The following KIFC2 variants were observed in gnomAD, a reference collection of about 807,000 sequenced individuals.
KIFC2 encodes the protein kinesin family member C2, also known as kinesin-like protein KIFC2.
Under a neutral mutation model 91.5 loss-of-function variants are expected in KIFC2, and 94 were observed. The ratio of observed to expected loss-of-function variants is 1.03; its 90% CI spans 0.87 to 1.22. The LOEUF (loss-of-function observed/expected upper bound fraction) is 1.22, where lower values mean the gene tolerates loss of function less well. Among genes scored for constraint, KIFC2 ranks in the 50% most tolerant of loss-of-function variants. The probability of loss-of-function intolerance (pLI) is 0.00; values close to 1 mark genes in which losing one functional copy is unlikely to be tolerated. For synonymous variants in KIFC2, 729 were observed against 503.9 expected, an observed-to-expected ratio of 1.45 and a Z score of -5.98; for missense variants, 1,357 against 1,103.3, an observed-to-expected ratio of 1.23 and a Z score of -3.26.
rs1265477103 is a variant in KIFC2, at chr8:144,473,234, C to T, written c.2221C>T (p.Pro741Ser). Residue 741 changes from proline (P) to serine (S), a missense_variant, in exon 18 of 18, where the codon CCG becomes TCG. By Grantham distance (74) the Pro-to-Ser change is moderately conservative. Coordinates refer to ENST00000645548, the MANE Select transcript of KIFC2 (RefSeq NM_001369769.2). Reference protein sequence around the residue: ...ELGPARRRRVPRSSGTPSSLS... With the variant: ...ELGPARRRRVSRSSGTPSSLS... ...GGGGCCAGCCCGGCGCCGCAGGGTC[C>T]CGCGCTCCTCCGGGACGCCTTCTTC... 6.3e-7 allele frequency: 1 copy of T among 1,599,782 alleles called. No homozygotes were observed. Among genetic ancestry groups the T allele is most frequent in the East Asian group, 2.3e-5 (1 of 44,140 alleles).
intron 8 of KIFC2, 50 bp downstream of exon 8, chr8:144,468,456 G>A: frequency 7.2e-7 from 1 of 1,381,872 alleles, no homozygotes; most frequent in Non-Finnish European, 9.6e-7. Context: ...GCGGGCTGGG[G>A]TTTTGGGAGG....
rs1039502996 is a variant in KIFC2 at position 144,472,166 on chromosome 8, C to T, written c.1514C>T (p.Pro505Leu). The T allele has an allele frequency of 1.2e-6, 2 of 1,613,192 alleles. No homozygotes were observed. Among genetic ancestry groups the T allele is most frequent in the African/African-American group, 2.7e-5 (2 of 74,916 alleles). Residue 505 changes from proline to leucine, a missense_variant, in exon 14 of 18, where the codon CCT (proline) becomes CTT (leucine). Physicochemically the swap from Pro to Leu is moderately conservative, Grantham distance 98. Coordinates refer to ENST00000645548, the MANE Select transcript of KIFC2 (RefSeq NM_001369769.2). ...EGPPEDPGIV[P>L]RALQSLFREM... ...CCTCCTGAGGACCCCGGCATAGTTC[C>T]TAGGGCGCTGCAGTCGCTGTTCCGG...
Position 144,472,382 on chromosome 8 carries a change from T to C in KIFC2, c.1629T>C (p.Pro543=). 1 of 1,613,210 alleles carries C rather than the reference T, an allele frequency of 6.2e-7. No individual in the cohort carries two copies. Among genetic ancestry groups the C allele is most frequent in the Non-Finnish European group, 8.5e-7 (1 of 1,179,924 alleles). ...CCAGGGACCTCCTTGCTCCAGGGCCTCCCGAGCGCCTGGCCGTGAGGCAGG... is the reference window on the plus strand; with the variant it reads ...CCAGGGACCTCCTTGCTCCAGGGCCCCCCGAGCGCCTGGCCGTGAGGCAGG... ...EAVRDLLAPG[P]PERLAVRQGP... The change falls in exon 15 of 18, where the codon CCT becomes CCC. Residue 543 remains proline (P), a synonymous_variant. Coordinates refer to ENST00000645548, the MANE Select transcript of KIFC2 (RefSeq NM_001369769.2).
rs771901274 is a variant in KIFC2, at chr8:144,469,322, C to T, written c.1165C>T (p.Pro389Ser). 2 of 1,607,282 alleles carry T rather than the reference C, an allele frequency of 1.2e-6. No individual in the cohort carries two copies. Among genetic ancestry groups the T allele is most frequent in the East Asian group, 4.5e-5 (2 of 44,738 alleles). Reference protein sequence around the residue: ...LSSGGPGTQLPEGQQGPPAGC... With the variant: ...LSSGGPGTQLSEGQQGPPAGC... Reference sequence around the variant, plus strand: ...ATCTGGAGGGCCTGGCACTCAGCTCCCTGAGGGGCAGCAAGGGCCCCCAGC... The same window carrying T: ...ATCTGGAGGGCCTGGCACTCAGCTCTCTGAGGGGCAGCAAGGGCCCCCAGC... The change falls in exon 11 of 18, where the codon CCT becomes TCT. Residue 389 changes from proline to serine, a missense_variant. By Grantham distance (74) the Pro-to-Ser change is moderately conservative. Transcript: ENST00000645548.
rs768795318 is a variant in KIFC2 at position 144,466,751 on chromosome 8, C to G, written c.100-9C>G. The G allele has an allele frequency of 9.8e-6, 15 of 1,524,052 alleles. No homozygotes were observed. The East Asian group carries it at 3.3e-4, about 33-fold the overall frequency. The allele number at this position is 1,524,052 out of a possible 1,614,324, so 94.4% of individuals were successfully genotyped here. ...CCCCTCCTCAGGGGCGCCCCTGCCCCCTCCCTAGAGAGCCCGCAAGCCCCG... is the reference window on the plus strand; with the variant it reads ...CCCCTCCTCAGGGGCGCCCCTGCCCGCTCCCTAGAGAGCCCGCAAGCCCCG... On this transcript the variant is annotated splice_polypyrimidine_tract_variant and intron_variant, in intron 1 of 17. Transcript: ENST00000645548.
At position 144,473,975 on chromosome 8, in the gene KIFC2, AGGGCT is replaced by A. The variant is rs1311228555; in HGVS notation, c.*587_*591del. 93 of 532,426 alleles carry A rather than the reference AGGGCT, an allele frequency of 1.7e-4. 1 individual carries two copies. The highest frequency in any genetic ancestry group is 1.7e-3 in the African/African-American group (88 of 52,948). The allele number at this position is 532,426 out of a possible 1,614,324, so 33.0% of individuals were successfully genotyped here. Reference sequence around the variant, plus strand: ...GTGGGCTGAGAAGAGGGGACTAGGAAGGGCTATTCCAGGCTCAGCCCTGCTCCTGC... The same window carrying A: ...GTGGGCTGAGAAGAGGGGACTAGGAAATTCCAGGCTCAGCCCTGCTCCTGC... On this transcript the variant is annotated 3_prime_UTR_variant, in exon 18 of 18. Coordinates refer to ENST00000645548, the MANE Select transcript of KIFC2 (RefSeq NM_001369769.2).
chr8:144,469,803 G>A (rs1317457848), intron 12 of KIFC2, among the ~76,000 whole-genome samples, 156 bp downstream of exon 12: 1 of 152,238 alleles, frequency 6.6e-6, no homozygotes, highest in Non-Finnish European at 1.5e-5. Context: ...AGGGGGCTGG[G>A]AAGCAGGGCA....
chr8:144,467,525 A>C lies in KIFC2; in HGVS notation c.510A>C (p.Ala170=), dbSNP rs140086443. ...SQEESPSHFT[A]VPGEPLGDET... is the part of the protein sequence containing the mutation. ...AAGAAAGCCCTTCCCACTTCACCGCAGTCCCAGGCGAGCCACTGGGGGATG... is the reference window on the plus strand; with the variant it reads ...AAGAAAGCCCTTCCCACTTCACCGCCGTCCCAGGCGAGCCACTGGGGGATG... The change falls in exon 5 of 18, where the codon GCA becomes GCC. Residue 170 remains alanine, a synonymous_variant. Transcript: ENST00000645548. 1 of 1,597,414 alleles carries C rather than the reference A, an allele frequency of 6.3e-7. No homozygotes were observed. The highest frequency in any genetic ancestry group is 8.5e-7 in the Non-Finnish European group (1 of 1,172,830).
In KIFC2 at chr8:144,467,568, C is replaced by A. The variant is rs145917450; in HGVS notation, c.553C>A (p.Pro185Thr). The A allele has an allele frequency of 3.7e-6, 6 of 1,605,658 alleles. No homozygotes were observed. In the East Asian group the frequency reaches 1.3e-4, roughly 36 times the overall value. The change falls in exon 5 of 18, where the codon CCC (proline) becomes ACC (threonine). Residue 185 changes from proline (P) to threonine (T), a missense_variant. Coordinates refer to ENST00000645548, the MANE Select transcript of KIFC2 (RefSeq NM_001369769.2). Reference protein sequence around the residue: ...PLGDETQGQQPLQLEEDQRAW... With the variant: ...PLGDETQGQQTLQLEEDQRAW... ...GGGGGATGAGACCCAGGGACAGCAG[C>A]CCCTCCAGTTGGAGGAGGATCAGAG... is the stretch of plus-strand genomic sequence containing the variant.
In KIFC2 at chr8:144,472,431, C is replaced by T. The variant is rs767418157; in HGVS notation, c.1678C>T (p.Gln560Ter). 4 of 1,612,678 alleles carry T rather than the reference C, an allele frequency of 2.5e-6. No homozygotes were observed. Among genetic ancestry groups the T allele is most frequent in the Non-Finnish European group, 3.4e-6 (4 of 1,179,816 alleles). ...RQGPEGQGGI[Q>*]VAGLTHWDVP... Reference sequence around the variant, plus strand: ...GGGCCCAGAAGGCCAGGGCGGGATCCAGGTGGCTGGCCTCACCCACTGGGA... The same window carrying T: ...GGGCCCAGAAGGCCAGGGCGGGATCTAGGTGGCTGGCCTCACCCACTGGGA... The change falls in exon 15 of 18, where the codon CAG becomes TAG. Residue 560 changes from glutamine to a stop codon, truncating the protein, a stop_gained. Transcript: ENST00000645548. LOFTEE classifies it high-confidence loss of function.
In KIFC2 at chr8:144,466,977, A is replaced by T. The variant is rs1248424842; in HGVS notation, c.197A>T (p.Asp66Val). 2 of 1,596,074 alleles carry T rather than the reference A, an allele frequency of 1.3e-6. No individual in the cohort carries two copies. The highest frequency in any genetic ancestry group is 2.2e-5 in the East Asian group (1 of 44,552). The change falls in exon 3 of 18, where the codon GAT becomes GTT. Residue 66 changes from aspartate to valine, a missense_variant. Physicochemically the swap from Asp to Val is radical, Grantham distance 152. Transcript: ENST00000645548. Reference sequence around the variant, plus strand: ...CCGGCAGCCAGCTCCGAGCCTGAGGATGGGTCGGAAGGCGCAGCCGAGGGC... The same window carrying T: ...CCGGCAGCCAGCTCCGAGCCTGAGGTTGGGTCGGAAGGCGCAGCCGAGGGC... ...TGLAASSEPE[D>V]GSEGAAEGRA...
intron 12 of KIFC2, 69 bp downstream of exon 12, chr8:144,469,716 GT>G: frequency 6.7e-7 from 1 of 1,503,452 alleles, no homozygotes; most frequent in East Asian, 2.3e-5. Context: ...AGAGGCTCCA[GT>G]TTCCCCTTCC....
chr8:144,472,128 C>G lies in KIFC2; in HGVS notation c.1486-10C>G. On this transcript the variant is annotated splice_polypyrimidine_tract_variant and intron_variant, in intron 13 of 17. Transcript: ENST00000645548. ...ATGTGAGCCCGGTGTGCACCCCACC[C>G]CATCCTCAGGGCCCTCCTGAGGACC... is the stretch of plus-strand genomic sequence containing the variant. 1 of 1,613,140 alleles carries G rather than the reference C, an allele frequency of 6.2e-7. No homozygotes were observed. The highest frequency in any genetic ancestry group is 1.1e-5 in the South Asian group (1 of 91,076).
chr8:144,467,889 C>T lies in KIFC2; in HGVS notation c.712C>T (p.His238Tyr), dbSNP rs1824749131. 1.9e-6 allele frequency: 3 copies of T among 1,613,294 alleles called. No homozygotes were observed. Among genetic ancestry groups the T allele is most frequent in the African/African-American group, 1.3e-5 (1 of 74,916 alleles). The stretch of plus-strand genomic sequence containing the variant: ...GACGGACTCAGAGAAAAGGGTTCAG[C>T]ATCTGACTCTGGAGAACGAGGCCCT... ...GATDSEKRVQ[H>Y]LTLENEALKQ... is the part of the protein sequence containing the mutation. The change falls in exon 7 of 18, where the codon CAT becomes TAT. Residue 238 changes from histidine to tyrosine, a missense_variant. Coordinates refer to ENST00000645548, the MANE Select transcript of KIFC2 (RefSeq NM_001369769.2).
In KIFC2 at chr8:144,467,333, C is replaced by T. The variant is rs546933123; in HGVS notation, c.461C>T (p.Ser154Phe). Residue 154 changes from serine to phenylalanine, a missense_variant, in exon 4 of 18, where the codon TCT becomes TTT. Physicochemically the swap from Ser to Phe is radical, Grantham distance 155. Coordinates refer to ENST00000645548, the MANE Select transcript of KIFC2 (RefSeq NM_001369769.2). Reference protein sequence around the residue: ...TQPAPRVRPPSPDGSTSQEES... With the variant: ...TQPAPRVRPPFPDGSTSQEES... ...CCAGCCCCTCGGGTCCGGCCCCCCT[C>T]TCCAGATGGTGAGTAAAGGACAGTA... 38 of 1,606,472 alleles carry T rather than the reference C, an allele frequency of 2.4e-5. 1 individual carries two copies. The highest frequency in any genetic ancestry group is 1.9e-4 in the South Asian group (17 of 90,198).
intron 1 of KIFC2, 55 bp from the exon 2 acceptor site, chr8:144,466,704 AG>A: frequency 7.3e-7 from 1 of 1,368,766 alleles, no homozygotes; most frequent in Non-Finnish European, 9.7e-7. Flanking sequence ...CGCGGAGGGA[AG>A]GGGCCAGCAG....
Position 144,466,846 on chromosome 8 carries a change from C to CG in KIFC2, c.178+11dup. 2 of 1,536,632 alleles carry CG rather than the reference C, an allele frequency of 1.3e-6. No individual in the cohort carries two copies. The highest frequency in any genetic ancestry group is 2.4e-5 in the South Asian group (2 of 84,488). On this transcript the variant is annotated intron_variant, in intron 2 of 17. Transcript: ENST00000645548. The stretch of plus-strand genomic sequence containing the variant: ...AGCTGACCGGCCTGGCCGGTAGGTG[C>CG]GGGCTGGGAGTCCCGCGGTGCGAGG...
At position 144,468,324 on chromosome 8, in the gene KIFC2, C is replaced by A; in HGVS notation, c.811-5C>A. On this transcript the variant is annotated splice_region_variant and splice_polypyrimidine_tract_variant and intron_variant, in intron 7 of 17. Transcript: ENST00000645548. ...GAGTCCCTCCTGGCCCCCACCCTCCCGCAGGAGGAGGCAGAGGCATTGCTA... is the reference window on the plus strand; with the variant it reads ...GAGTCCCTCCTGGCCCCCACCCTCCAGCAGGAGGAGGCAGAGGCATTGCTA... 6.2e-7 allele frequency: 1 copy of A among 1,608,524 alleles called. No individual in the cohort carries two copies.
intron 16 of KIFC2, 35 bp from the exon 17 acceptor site, chr8:144,472,758 CGG>C: frequency 6.3e-7 from 1 of 1,591,272 alleles, no homozygotes; most frequent in African/African-American, 1.3e-5. Context: ...ACCCGAGGCC[CGG>C]CCTTCCCCCA....
Sources: allele counts gnomAD v4.1 joint callset (sites outside exome capture counted in the v4.1 genomes callset), GRCh38; gene constraint gnomAD v4.1.1; transcripts MANE v1.5; gene names NCBI Gene and HGNC (gene_info 2026-07-23, HGNC 2026-07-21).